VTI1A: variants seen among roughly 807,000 people sequenced by gnomAD.
The protein encoded by VTI1A is vesicle transport through interaction with t-SNAREs 1A.
Under a neutral mutation model 34.9 loss-of-function variants are expected in VTI1A, and 22 were observed. The observed-to-expected ratio is 0.63, with a 90% CI of 0.45 to 0.90. The LOEUF (loss-of-function observed/expected upper bound fraction) is 0.90, where lower values mean the gene tolerates loss of function less well. Among genes scored for constraint, VTI1A ranks in the 40% least tolerant of loss-of-function variants. The probability of loss-of-function intolerance (pLI) is 0.00; values close to 1 mark genes in which losing one functional copy is unlikely to be tolerated. For missense variants in VTI1A, 268 were observed against 275.6 expected, an observed-to-expected ratio of 0.97 and a Z score of 0.20; for synonymous variants, 87 against 97.3, an observed-to-expected ratio of 0.89 and a Z score of 0.62.
At position 112,448,834 on chromosome 10, in the gene VTI1A, T is replaced by C. The variant is rs1334927048; in HGVS notation, c.94+1367T>C. ...CTTATGTGTTTATAAGTAATTTTCT[T>C]CCCTTATTTCTTTGTTTTTCTTCCC... On this transcript the variant is annotated intron_variant, in intron 1 of 7. Coordinates refer to ENST00000393077, the MANE Select transcript of VTI1A (RefSeq NM_145206.4). The C allele has an allele frequency of 3.3e-5, 5 of 152,218 alleles. No homozygotes were observed. The East Asian group carries it at 9.6e-4, about 29-fold the overall frequency. 9.4% of individuals were successfully genotyped at this position (152,218 alleles called of 1,614,324 possible).
intron 5 of VTI1A, among the ~76,000 whole-genome samples, chr10:112,576,689 T>G (rs1222001088): frequency 2.0e-5 from 3 of 152,242 alleles, no homozygotes; most frequent in African/African-American, 7.2e-5. Flanking sequence ...AGACGAAGAT[T>G]AAAAATAAGA....
chr10:112,753,344 T>C (rs891987774), intron 7 of VTI1A, among the ~76,000 whole-genome samples: 1 of 152,090 alleles, frequency 6.6e-6, no homozygotes, highest in African/African-American at 2.4e-5. Flanking sequence ...CAAGACACTT[T>C]TGTCAACTCT....
chr10:112,525,004 A>G (rs572073715), intron 3 of VTI1A, among the ~76,000 whole-genome samples: 1 of 152,294 alleles, frequency 6.6e-6, no homozygotes, highest in African/African-American at 2.4e-5. Flanking sequence ...TGCCCTGATA[A>G]TTTAGCATTT....
At chr10:112,518,744 A>T (rs921701624) in intron 3 of VTI1A, among the ~76,000 whole-genome samples, 1 of 151,532 alleles carries the variant, frequency 6.6e-6, no homozygotes, top group Non-Finnish European at 1.5e-5. Context: ...CCTACCATAA[A>T]GGAAAGAACC....
At chr10:112,729,634 G>A (rs563321539) in intron 7 of VTI1A, among the ~76,000 whole-genome samples, 2 of 152,270 alleles carry the variant, frequency 1.3e-5, no homozygotes, top group Admixed American at 1.3e-4. Flanking sequence ...AAAAACACAC[G>A]CAAATTGATG....
intron 3 of VTI1A, among the ~76,000 whole-genome samples, chr10:112,515,874 A>G (rs1458777708): frequency 6.6e-6 from 1 of 152,026 alleles, no homozygotes; most frequent in Non-Finnish European, 1.5e-5. Flanking sequence ...TTTTCTTCCT[A>G]TAGCACCCAC....
intron 5 of VTI1A, among the ~76,000 whole-genome samples, chr10:112,597,721 G>A (rs1418825547): frequency 1.7e-5 from 2 of 120,272 alleles, no homozygotes; most frequent in Non-Finnish European, 3.3e-5. Flanking sequence ...TTTTTGAGAC[G>A]GAGTCTCGCT....
At chr10:112,563,548 T>C (rs188037975) in intron 5 of VTI1A, among the ~76,000 whole-genome samples, 221 of 152,344 alleles carry the variant, frequency 1.5e-3, no homozygotes, top group African/African-American at 5.2e-3. Flanking sequence ...TTTCATTGAC[T>C]GTGTTTACAT....
intron 7 of VTI1A, among the ~76,000 whole-genome samples, chr10:112,678,863 T>C (rs547803751): frequency 6.6e-6 from 1 of 152,290 alleles, no homozygotes; most frequent in African/African-American, 2.4e-5. Flanking sequence ...GTTATAGATA[T>C]ACATCACAAA....
intron 2 of VTI1A, 28 bp from the exon 3 acceptor site, chr10:112,464,519 A>T: frequency 6.3e-7 from 1 of 1,575,334 alleles, no homozygotes; most frequent in African/African-American, 1.4e-5. Context: ...AGTGTGTTTT[A>T]AATCACATTT....
chr10:112,764,113 T>C (rs906596709), intron 7 of VTI1A, among the ~76,000 whole-genome samples: 2 of 152,194 alleles, frequency 1.3e-5, no homozygotes, highest in African/African-American at 4.8e-5. Flanking sequence ...GCCCGACCTA[T>C]AGCAATGAGG....
At chr10:112,505,106 G>T (rs964519667) in intron 3 of VTI1A, among the ~76,000 whole-genome samples, 2 of 151,642 alleles carry the variant, frequency 1.3e-5, no homozygotes, top group African/African-American at 4.8e-5. Context: ...TCCTATGTTT[G>T]TTCTATATGT....
At chr10:112,821,170 AC>A (rs1853645399), downstream of VTI1A, among the ~76,000 whole-genome samples, 1 of 151,808 alleles carries the variant, frequency 6.6e-6, no homozygotes, top group South Asian at 2.1e-4. Context: ...GAACTCGCGC[AC>A]CCCCTCCTTC....
intron 3 of VTI1A, among the ~76,000 whole-genome samples, chr10:112,471,871 A>C (rs1184685803): frequency 2.0e-5 from 3 of 152,184 alleles, no homozygotes; most frequent in African/African-American, 7.2e-5. Context: ...AATTAAAGCA[A>C]ATTTTAAAAC....
intron 5 of VTI1A, among the ~76,000 whole-genome samples, chr10:112,551,226 A>G (rs1271476659): frequency 7.0e-6 from 1 of 142,156 alleles, no homozygotes; most frequent in Admixed American, 7.2e-5. Flanking sequence ...CCTGGGCGGC[A>G]CAGCGATACT....
At chr10:112,521,422 A>G (rs1312108896) in intron 3 of VTI1A, among the ~76,000 whole-genome samples, 2 of 152,014 alleles carry the variant, frequency 1.3e-5, no homozygotes, top group Admixed American at 6.6e-5. Context: ...ATGTATGCCT[A>G]CTAGTTTTAT....
At chr10:112,743,583 T>TA (rs1344685115) in intron 7 of VTI1A, among the ~76,000 whole-genome samples, 2 of 152,082 alleles carry the variant, frequency 1.3e-5, no homozygotes, top group African/African-American at 4.8e-5. Context: ...CCTTTAGACA[T>TA]ATTCATGAGC....
intron 5 of VTI1A, among the ~76,000 whole-genome samples, chr10:112,641,811 C>T (rs1000452223): frequency 7.2e-5 from 11 of 152,158 alleles, no homozygotes; most frequent in African/African-American, 2.4e-4. Flanking sequence ...CATATCAATC[C>T]GTTGTGTAGA....
chr10:112,646,525 CTTT>C (rs34886969), intron 5 of VTI1A, among the ~76,000 whole-genome samples: 2 of 141,976 alleles, frequency 1.4e-5, no homozygotes, highest in Non-Finnish European at 1.6e-5. Context: ...GTACCATGTT[CTTT>C]TTTTTTTTTT....
Sources: gnomAD v4.1 joint callset for allele counts (sites outside exome capture counted in the v4.1 genomes callset) on GRCh38, gnomAD v4.1.1 for gene constraint, MANE v1.5 for transcripts, NCBI Gene and HGNC (gene_info 2026-07-23, HGNC 2026-07-21) for gene names.